Variants in CLCN4 observed in about 807,000 individuals in gnomAD.
CLCN4 encodes the protein Cl-/H+ antiporter 4, also known as H(+)/Cl(-) exchange transporter 4.
In CLCN4, 1 loss-of-function variant was observed where a neutral mutation model predicts 41.7. That is an observed-to-expected ratio of 0.02 (90% CI 0.01 to 0.11). The LOEUF is 0.11. CLCN4 is among the 10% of genes least tolerant of loss of function. The pLI is 1.00. For missense variants in CLCN4, 287 were observed against 661.0 expected (o/e 0.43, Z 6.20); for synonymous variants, 277 against 285.8 (o/e 0.97, Z 0.31).
intron 2 of CLCN4, among the ~76,000 whole-genome samples, chrX:10,182,673 G>A (rs754835861): frequency 3.7e-4 from 41 of 112,267 alleles, no homozygotes; most frequent in African/African-American, 1.3e-3. Context: ...TGATCCACCC[G>A]CCTCGGCCTC....
intron 12 of CLCN4, among the ~76,000 whole-genome samples, chrX:10,231,593 T>C (rs892670522): frequency 8.9e-6 from 1 of 111,992 alleles, no homozygotes; most frequent in African/African-American, 3.2e-5. Flanking sequence ...AAGATTTCCT[T>C]TGAAGAGTCC....
rs1246068842 is a variant in CLCN4 at position 10,220,736 on chromosome X, C to T, written c.2051C>T (p.Pro684Leu). 8 of 1,209,639 alleles carry T rather than the reference C, an allele frequency of 6.6e-6. No homozygotes were observed. Among genetic ancestry groups the T allele is most frequent in the African/African-American group, 5.3e-5 (3 of 57,095 alleles). Reference sequence around the variant, plus strand: ...TTCACGGAGGAACCCCCCGAGCTGCCGGCCAACAGCCCACATCCCCTGAAG... The same window carrying T: ...TTCACGGAGGAACCCCCCGAGCTGCTGGCCAACAGCCCACATCCCCTGAAG... ...MYFTEEPPEL[P>L]ANSPHPLKLR... Residue 684 changes from proline (P) to leucine (L), a missense_variant, in exon 12 of 13, where the codon CCG becomes CTG. Pro to Leu is a moderately conservative substitution (Grantham distance 98, BLOSUM62 -3). This residue lies in a region of CLCN4 where 71 missense variants were observed against 104.5 expected (regional missense o/e 0.68). Transcript: ENST00000380833.
At chrX:10,189,458 C>G (rs1358738514) in intron 4 of CLCN4, among the ~76,000 whole-genome samples, 1 of 111,766 alleles carries the variant, frequency 8.9e-6, no homozygotes, top group Admixed American at 9.4e-5. Flanking sequence ...TACAGCCTGC[C>G]CCTCCCCTCT....
intron 2 of CLCN4, among the ~76,000 whole-genome samples, chrX:10,163,214 G>A (rs1358874881): frequency 8.9e-6 from 1 of 112,518 alleles, no homozygotes; most frequent in Non-Finnish European, 1.9e-5. Flanking sequence ...AAGGGGTTTA[G>A]TGTGATGACG....
intron 9 of CLCN4, 91 bp downstream of exon 9, chrX:10,208,681 A>G (rs1419280575): frequency 1.2e-6 from 1 of 837,482 alleles, no homozygotes; most frequent in African/African-American, 2.0e-5. Context: ...GTGGGAAAAA[A>G]AGGGGAACTG....
chrX:10,196,961 C>T (rs769454431), intron 5 of CLCN4, among the ~76,000 whole-genome samples: 10 of 112,228 alleles, frequency 8.9e-5, no homozygotes, highest in Non-Finnish European at 1.7e-4. Flanking sequence ...GATTTCTCAC[C>T]GCATAGGGTG....
At chrX:10,157,251 C>G (rs1388913296) in intron 1 of CLCN4, among the ~76,000 whole-genome samples, 151 bp downstream of exon 1, 1 of 112,143 alleles carries the variant, frequency 8.9e-6, no homozygotes, top group Non-Finnish European at 1.9e-5. Context: ...AGAGATTAAC[C>G]TTCTGAACAG....
At chrX:10,231,744 G>A (rs1254877996) in intron 12 of CLCN4, among the ~76,000 whole-genome samples, 1 of 111,599 alleles carries the variant, frequency 9.0e-6, no homozygotes, top group East Asian at 2.8e-4. Flanking sequence ...CCATTGCTCG[G>A]ATGAGGTGGT....
chrX:10,175,905 C>T (rs1373388226), intron 2 of CLCN4, among the ~76,000 whole-genome samples: 23 of 43,757 alleles, frequency 5.3e-4, no homozygotes, highest in Admixed American at 1.1e-3. Context: ...TCTCTCTCTC[C>T]CTCCCTCCCT....
rs1443709813 is a variant in CLCN4, at chrX:10,234,256, A to G, written c.*672A>G. 1.8e-5 allele frequency: 2 copies of G among 112,202 alleles called. No homozygotes were observed. The highest frequency in any genetic ancestry group is 3.3e-5 in the African/African-American group (1 of 30,737). 9.2% of individuals were successfully genotyped at this position (112,202 alleles called of 1,213,427 possible). A position where few individuals can be genotyped will look rare whatever the true frequency, so the allele number is the denominator to read the frequency against. On this transcript the variant is annotated 3_prime_UTR_variant, in exon 13 of 13. Transcript: ENST00000380833. ...ATGAGTGTGAAGAAATCATTTCTCT[A>G]TGCAAGACTGGCATCCTGGGACTGC...
intron 2 of CLCN4, among the ~76,000 whole-genome samples, chrX:10,178,831 A>G (rs933958418): frequency 2.7e-5 from 3 of 112,101 alleles, no homozygotes; most frequent in African/African-American, 9.7e-5. Flanking sequence ...AAAAACAAAC[A>G]AAAAACAACA....
intron 5 of CLCN4, 104 bp from the exon 6 acceptor site, chrX:10,197,834 TC>T: frequency 9.6e-7 from 1 of 1,045,844 alleles, no homozygotes; most frequent in Non-Finnish European, 1.3e-6. Flanking sequence ...ACCTGCCCAA[TC>T]CCGTCAAAGC....
intron 4 of CLCN4, 45 bp downstream of exon 4, chrX:10,187,659 C>T: frequency 9.9e-7 from 1 of 1,011,968 alleles, no homozygotes; most frequent in Non-Finnish European, 1.4e-6. Context: ...GCTGCAGAGG[C>T]CGAAACCTCA....
In CLCN4 at chrX:10,216,897, G is replaced by GTATATATATATATATATA. The variant is rs1555977625; in HGVS notation, c.1975+2823_1975+2840dup. ...GTTGGGGATGTGTGTGTGTGTGTGT[G>GTATATATATATATATATA]TATATATATATATATATATATACAC... is the stretch of plus-strand genomic sequence containing the variant. On this transcript the variant is annotated intron_variant, in intron 11 of 12. Transcript: ENST00000380833. Among the ~76,000 whole-genome samples the GTATATATATATATATATA allele has an allele frequency of 5.5e-3, 115 of 20,807 alleles. 9 individuals are homozygous for GTATATATATATATATATA. Among genetic ancestry groups the GTATATATATATATATATA allele is most frequent in the Non-Finnish European group, 8.3e-3 (90 of 10,906 alleles). The allele number at this position is 20,807 out of a possible 115,157, so 18.1% of individuals were successfully genotyped here.
At chrX:10,217,747 A>ATT (rs59203927) in intron 11 of CLCN4, among the ~76,000 whole-genome samples, 966 of 94,294 alleles carry the variant, frequency 0.01, 20 homozygotes, top group African/African-American at 0.031. Flanking sequence ...ACATTCCTTC[A>ATT]TTTTTTTTTT....
intron 12 of CLCN4, among the ~76,000 whole-genome samples, chrX:10,224,999 G>A (rs1439697284): frequency 8.9e-6 from 1 of 112,113 alleles, no homozygotes; most frequent in Non-Finnish European, 1.9e-5. Context: ...TCACTGATGA[G>A]CATTTGGGTT....
In CLCN4 at chrX:10,213,670, C is replaced by T; in HGVS notation, c.1577-11C>T. The T allele has an allele frequency of 1.7e-6, 2 of 1,196,201 alleles. No individual in the cohort carries two copies. Among genetic ancestry groups the T allele is most frequent in the Non-Finnish European group, 2.3e-6 (2 of 884,904 alleles). On this transcript the variant is annotated splice_polypyrimidine_tract_variant and intron_variant, in intron 10 of 12. Transcript: ENST00000380833. ...TGCACTTTGGAATCTTACTCCTCCC[C>T]TCTGTTGCAGGTGGAGTTACCAGGA...
At chrX:10,193,324 A>T (rs1263534911) in intron 4 of CLCN4, among the ~76,000 whole-genome samples, 1 of 112,566 alleles carries the variant, frequency 8.9e-6, no homozygotes, top group South Asian at 3.6e-4. Context: ...ATGTGCTTGG[A>T]AAAGCATAGC....
intron 2 of CLCN4, among the ~76,000 whole-genome samples, chrX:10,174,333 G>A (rs759997700): frequency 9.8e-4 from 110 of 112,380 alleles, no homozygotes; most frequent in Non-Finnish European, 2.0e-3. Flanking sequence ...TGGGGCCAGG[G>A]GCCAGCTTTG....
Sources: gnomAD v4.1 joint callset for allele counts (sites outside exome capture counted in the v4.1 genomes callset) on GRCh38, gnomAD v4.1.1 for gene constraint, gnomAD v4.1.1 regional missense constraint, MANE v1.5 for transcripts, NCBI Gene and HGNC (gene_info 2026-07-23, HGNC 2026-07-21) for gene names.